CFAP47: variants seen among roughly 807,000 people sequenced by gnomAD.
CFAP47 encodes the protein cilia and flagella associated protein 47, also known as cilia- and flagella-associated protein 47.
A neutral mutation model predicts 148.1 loss-of-function variants in CFAP47; 29 were observed. The ratio of observed to expected loss-of-function variants is 0.20; its 90% CI spans 0.15 to 0.27. CFAP47 has a LOEUF of 0.27. CFAP47 is among the 10% of genes least tolerant of loss of function. The pLI is 1.00. For missense variants in CFAP47, 1,872 were observed against 1,697.5 expected (o/e 1.10, Z -1.81); for synonymous variants, 664 against 577.3 (o/e 1.15, Z -2.15).
chrX:36,362,061 A>G (rs1379104753), intron 61 of CFAP47, among the ~76,000 whole-genome samples: 1 of 112,049 alleles, frequency 8.9e-6, no homozygotes, highest in Non-Finnish European at 1.9e-5. Context: ...GCATCTGCAA[A>G]CACTATATGA....
At chrX:36,162,137 C>A (rs908201369) in intron 39 of CFAP47, among the ~76,000 whole-genome samples, 3 of 111,871 alleles carry the variant, frequency 2.7e-5, no homozygotes, top group African/African-American at 9.7e-5. Flanking sequence ...TCTCAAATAA[C>A]AGTAATATTT....
chrX:35,956,216 C>A lies in CFAP47; in HGVS notation c.1410+20C>A, dbSNP rs367971605. ...ATGGTGGTAAGATAATTTTTCTTTG[C>A]GTTTACATGGCAGCTAACATTTTAA... is the stretch of plus-strand genomic sequence containing the variant. On this transcript the variant is annotated intron_variant, in intron 8 of 63. Transcript: ENST00000378653. 5 of 1,109,579 alleles carry A rather than the reference C, an allele frequency of 4.5e-6. No homozygotes were observed. Among genetic ancestry groups the A allele is most frequent in the Non-Finnish European group, 6.2e-6 (5 of 806,569 alleles). 91.4% of individuals were successfully genotyped at this position (1,109,579 alleles called of 1,213,427 possible).
intron 42 of CFAP47, among the ~76,000 whole-genome samples, chrX:36,196,153 T>A (rs782182301): frequency 9.0e-6 from 1 of 111,405 alleles, no homozygotes; most frequent in South Asian, 3.7e-4. Context: ...CCTAGCTCAC[T>A]GCCTTAATTA....
At chrX:36,135,947 T>C (rs1160616108) in intron 33 of CFAP47, among the ~76,000 whole-genome samples, 7 of 111,671 alleles carry the variant, frequency 6.3e-5, no homozygotes, top group Non-Finnish European at 1.1e-4. Context: ...TAAAGAAATA[T>C]AACTGTGTAG....
rs759282361 is a variant in CFAP47, at chrX:36,070,675, A to G, written c.4319-1150A>G. Among the ~76,000 whole-genome samples, 24 of 109,931 alleles carry G rather than the reference A, an allele frequency of 2.2e-4. No individual in the cohort carries two copies. In the South Asian group the frequency reaches 8.8e-3, roughly 40 times the overall value. On this transcript the variant is annotated intron_variant, in intron 27 of 63. Coordinates refer to ENST00000378653, the MANE Select transcript of CFAP47 (RefSeq NM_001304548.2). ...CCTGGCTAATTTTTGTATTTTTACTAGAGATGGGGTTTCACCATGTTGGCC... is the reference window on the plus strand; with the variant it reads ...CCTGGCTAATTTTTGTATTTTTACTGGAGATGGGGTTTCACCATGTTGGCC...
chrX:36,009,680 A>C (rs1427257066), intron 21 of CFAP47, among the ~76,000 whole-genome samples: 1 of 112,368 alleles, frequency 8.9e-6, no homozygotes, highest in Non-Finnish European at 1.9e-5. Context: ...ATTCTATGAC[A>C]GAAAATGGAA....
At chrX:36,106,886 A>G (rs923812945) in intron 33 of CFAP47, among the ~76,000 whole-genome samples, 1 of 111,809 alleles carries the variant, frequency 8.9e-6, no homozygotes, top group African/African-American at 3.2e-5. Flanking sequence ...TCTGTTTGAT[A>G]CTATAATTAT....
chrX:36,219,405 C>G (rs1357589599), intron 45 of CFAP47, among the ~76,000 whole-genome samples: 1 of 111,458 alleles, frequency 9.0e-6, no homozygotes, highest in African/African-American at 3.3e-5. Flanking sequence ...TGTCCAACCT[C>G]CCTTTCCATC....
chrX:36,320,218 C>T (rs948665747), intron 57 of CFAP47, among the ~76,000 whole-genome samples: 2 of 111,606 alleles, frequency 1.8e-5, no homozygotes, highest in African/African-American at 3.3e-5. Flanking sequence ...AAAAATCTAA[C>T]GCTAAAAAAT....
intron 25 of CFAP47, among the ~76,000 whole-genome samples, chrX:36,042,215 A>G (rs1480352627): frequency 1.8e-5 from 2 of 111,745 alleles, no homozygotes; most frequent in African/African-American, 6.5e-5. Flanking sequence ...TGGAATATAC[A>G]TGAATTACCT....
At chrX:36,243,009 A>G (rs1940564865) in intron 48 of CFAP47, among the ~76,000 whole-genome samples, 1 of 111,653 alleles carries the variant, frequency 9.0e-6, no homozygotes, top group Admixed American at 9.5e-5. Context: ...ACCAGAAGAA[A>G]TTGGTGGTAG....
At chrX:36,311,433 G>A (rs909902557) in intron 56 of CFAP47, among the ~76,000 whole-genome samples, 10 of 109,887 alleles carry the variant, frequency 9.1e-5, no homozygotes, top group African/African-American at 3.0e-4. Context: ...CCATATTGAG[G>A]GTATATGTTT....
chrX:36,062,073 T>C (rs1937598741), intron 26 of CFAP47, among the ~76,000 whole-genome samples: 2 of 111,727 alleles, frequency 1.8e-5, no homozygotes, highest in Admixed American at 9.6e-5. Flanking sequence ...ATAGTAAGAC[T>C]AGAGAGACAT....
chrX:36,062,324 C>A (rs1227136561), intron 26 of CFAP47, among the ~76,000 whole-genome samples: 1 of 111,072 alleles, frequency 9.0e-6, no homozygotes, highest in Non-Finnish European at 1.9e-5. Context: ...AAATACAAGG[C>A]AAAATATTAT....
intron 35 of CFAP47, among the ~76,000 whole-genome samples, chrX:36,143,876 T>A (rs1250469790): frequency 1.8e-5 from 2 of 111,634 alleles, no homozygotes; most frequent in Non-Finnish European, 1.9e-5. Context: ...CTGATCTGCC[T>A]GAATTGTTGC....
At chrX:36,285,891 A>G (rs868943091) in intron 51 of CFAP47, among the ~76,000 whole-genome samples, 165 bp downstream of exon 51, 2 of 111,906 alleles carry the variant, frequency 1.8e-5, no homozygotes, top group Middle Eastern at 4.6e-3. Context: ...AGTACTACGG[A>G]CTTTAAATGC....
At chrX:35,991,231 A>G (rs766969969) in intron 16 of CFAP47, among the ~76,000 whole-genome samples, 1 of 111,120 alleles carries the variant, frequency 9.0e-6, no homozygotes, top group South Asian at 3.8e-4. Context: ...GGCCCCATAT[A>G]GGCTCTGTGT....
intron 4 of CFAP47, among the ~76,000 whole-genome samples, chrX:35,950,627 G>C (rs1488455209): frequency 9.0e-6 from 1 of 111,030 alleles, no homozygotes; most frequent in Non-Finnish European, 1.9e-5. Context: ...TCCCTCCTTG[G>C]CTGCCCACAG....
intron 62 of CFAP47, chrX:36,374,931 A>G: frequency 1.7e-6 from 1 of 585,831 alleles, no homozygotes; most frequent in South Asian, 2.3e-5. Flanking sequence ...GTTTTTCTAG[A>G]CCTTTGAGTT....
Sources: gnomAD v4.1 joint callset for allele counts (sites outside exome capture counted in the v4.1 genomes callset) on GRCh38, gnomAD v4.1.1 for gene constraint, MANE v1.5 for transcripts, NCBI Gene and HGNC (gene_info 2026-07-23, HGNC 2026-07-21) for gene names.